SLC30A8: variants seen among roughly 807,000 people sequenced by gnomAD.
SLC30A8 encodes the protein solute carrier family 30 member 8.
A neutral mutation model predicts 36.9 loss-of-function variants in SLC30A8; 27 were observed. The observed-to-expected ratio is 0.73, with a 90% CI of 0.54 to 1.01. SLC30A8 has a LOEUF of 1.01. SLC30A8 is among the 50% of genes least tolerant of loss of function. The pLI is 0.00. For missense variants in SLC30A8, 439 were observed against 452.0 expected, an observed-to-expected ratio of 0.97 and a Z score of 0.26; for synonymous variants, 164 against 172.4, an observed-to-expected ratio of 0.95 and a Z score of 0.38.
chr8:117,096,132 G>C (rs766366406), intron 2 of SLC30A8, among the ~76,000 whole-genome samples: 3 of 152,158 alleles, frequency 2.0e-5, no homozygotes, highest in Non-Finnish European at 1.5e-5. Context: ...TGATGTTATA[G>C]TCTCTCTGAG....
intron 1 of SLC30A8, among the ~76,000 whole-genome samples, chr8:116,984,220 A>T (rs1374457808): frequency 6.6e-6 from 1 of 152,122 alleles, no homozygotes; most frequent in African/African-American, 2.4e-5. Context: ...ATGAAATGAC[A>T]TTAGGATTGT....
At chr8:116,964,851 A>C (rs1298416137) in intron 1 of SLC30A8, among the ~76,000 whole-genome samples, 1 of 152,154 alleles carries the variant, frequency 6.6e-6, no homozygotes, top group Admixed American at 6.5e-5. Flanking sequence ...AAAAGTAGTA[A>C]ATCTTTAAGT....
intron 1 of SLC30A8, among the ~76,000 whole-genome samples, chr8:116,975,627 G>T (rs570785458): frequency 6.6e-6 from 1 of 152,226 alleles, no homozygotes; most frequent in Admixed American, 6.5e-5. Flanking sequence ...ACTATCATGT[G>T]TGTTAACTGT....
At chr8:117,023,167 T>C (rs377544802) in intron 1 of SLC30A8, among the ~76,000 whole-genome samples, 12 of 152,172 alleles carry the variant, frequency 7.9e-5, no homozygotes, top group East Asian at 7.7e-4. Context: ...AAAACCACAA[T>C]GAGATACCAT....
chr8:117,052,266 CT>C (rs1313767868), intron 2 of SLC30A8, among the ~76,000 whole-genome samples: 1 of 152,218 alleles, frequency 6.6e-6, no homozygotes, highest in Non-Finnish European at 1.5e-5. Flanking sequence ...CTGCCTTGGC[CT>C]CCCAAAGTGC....
At chr8:117,001,274 G>T (rs1816004119) in intron 1 of SLC30A8, among the ~76,000 whole-genome samples, 1 of 123,800 alleles carries the variant, frequency 8.1e-6, no homozygotes, top group Admixed American at 1.1e-4. Context: ...ACATAAACTT[G>T]GTGCTGCTGA....
At chr8:117,042,066 A>T (rs1817404215) in intron 2 of SLC30A8, among the ~76,000 whole-genome samples, 1 of 152,260 alleles carries the variant, frequency 6.6e-6, no homozygotes, top group Non-Finnish European at 1.5e-5. Context: ...ACAGAAATTT[A>T]AAGCCAGTAC....
intron 2 of SLC30A8, among the ~76,000 whole-genome samples, chr8:117,126,373 A>G (rs1230380613): frequency 6.6e-6 from 1 of 152,008 alleles, no homozygotes. Flanking sequence ...AGAAATTAGG[A>G]TTAGAGAAAA....
At chr8:116,958,841 A>ATTTTTTTTTT (rs758505118) in intron 1 of SLC30A8, among the ~76,000 whole-genome samples, 4 of 60,030 alleles carry the variant, frequency 6.7e-5, no homozygotes, top group East Asian at 5.5e-4. Flanking sequence ...TGCTCTTTTC[A>ATTTTTTTTTT]TTTTTTTTTT....
chr8:116,972,026 C>T (rs1190583948), intron 1 of SLC30A8, among the ~76,000 whole-genome samples: 1 of 152,002 alleles, frequency 6.6e-6, no homozygotes, highest in Non-Finnish European at 1.5e-5. Flanking sequence ...ATAAAGAAAC[C>T]TAGTGAAAAA....
chr8:117,132,081 C>T (rs1204983760), upstream of SLC30A8, among the ~76,000 whole-genome samples: 1 of 151,992 alleles, frequency 6.6e-6, no homozygotes, highest in African/African-American at 2.4e-5. Context: ...AGGCACATTT[C>T]TATGTCTGAT....
chr8:116,951,907 G>C (rs775721231), intron 1 of SLC30A8, among the ~76,000 whole-genome samples: 3 of 151,914 alleles, frequency 2.0e-5, no homozygotes, highest in Non-Finnish European at 4.4e-5. Flanking sequence ...CTAGATGGCA[G>C]GGTGGGGAAC....
intron 2 of SLC30A8, among the ~76,000 whole-genome samples, chr8:117,091,687 TCCCG>T: frequency 6.6e-6 from 1 of 152,150 alleles, no homozygotes; most frequent in Non-Finnish European, 1.5e-5. Flanking sequence ...GCCTCAGAAA[TCCCG>T]TTATGTATTT....
chr8:117,084,769 A>G (rs1023720547), intron 2 of SLC30A8, among the ~76,000 whole-genome samples: 2 of 152,194 alleles, frequency 1.3e-5, no homozygotes, highest in South Asian at 4.1e-4. Context: ...ACTAGTTTCT[A>G]CATGAGCTAC....
chr8:117,040,559 A>C (rs922948315), intron 2 of SLC30A8, among the ~76,000 whole-genome samples: 1 of 152,242 alleles, frequency 6.6e-6, no homozygotes, highest in African/African-American at 2.4e-5. Context: ...TAAAAAGATG[A>C]AAGAATTTTT....
intron 1 of SLC30A8, among the ~76,000 whole-genome samples, chr8:116,992,628 C>T (rs1452991065): frequency 6.6e-6 from 1 of 152,060 alleles, no homozygotes; most frequent in Non-Finnish European, 1.5e-5. Context: ...TATGCAGTCT[C>T]TCTATGAGGA....
chr8:117,119,676 C>T (rs1045680390), intron 2 of SLC30A8, among the ~76,000 whole-genome samples: 2 of 151,968 alleles, frequency 1.3e-5, no homozygotes, highest in African/African-American at 4.8e-5. Flanking sequence ...CCTTAAAACC[C>T]TTGCAGGAGA....
chr8:117,025,705 C>T (rs1816852526), intron 1 of SLC30A8, among the ~76,000 whole-genome samples: 1 of 152,292 alleles, frequency 6.6e-6, no homozygotes, highest in East Asian at 1.9e-4. Context: ...TGCCTTTTCA[C>T]AGGAACCACA....
At chr8:116,991,417 G>C (rs905781800) in intron 1 of SLC30A8, among the ~76,000 whole-genome samples, 2 of 151,902 alleles carry the variant, frequency 1.3e-5, no homozygotes, top group Non-Finnish European at 2.9e-5. Context: ...CAATTCTCCT[G>C]CCTCAGCCTC....
Sources: allele counts gnomAD v4.1 joint callset (sites outside exome capture counted in the v4.1 genomes callset), GRCh38; gene constraint gnomAD v4.1.1; transcripts MANE v1.5; gene names NCBI Gene and HGNC (gene_info 2026-07-23, HGNC 2026-07-21).